The following APBA2 variants were observed in gnomAD, a reference collection of about 807,000 sequenced individuals.
APBA2 encodes amyloid beta precursor protein binding family A member 2, also known as amyloid-beta A4 precursor protein-binding family A member 2.
APBA2 carries 30 observed loss-of-function variants against 75.0 expected under a neutral mutation model. That is an observed-to-expected ratio of 0.40 (90% CI 0.30 to 0.54). APBA2 has a LOEUF of 0.54. Among genes scored for constraint, APBA2 ranks in the 20% least tolerant of loss-of-function variants. The pLI is 0.49. For synonymous variants in APBA2, 444 were observed against 409.6 expected (o/e 1.08, Z -1.01); for missense variants, 801 against 1,016.1 (o/e 0.79, Z 2.88).
intron 2 of APBA2, among the ~76,000 whole-genome samples, chr15:28,994,068 G>T (rs1242213242): frequency 1.3e-5 from 2 of 152,200 alleles, no homozygotes; most frequent in African/African-American, 4.8e-5. Context: ...TTTAGTTCAT[G>T]AACTCACCCA....
intron 6 of APBA2, among the ~76,000 whole-genome samples, chr15:29,085,854 G>A (rs1301902491): frequency 6.6e-6 from 1 of 152,176 alleles, no homozygotes; most frequent in Non-Finnish European, 1.5e-5. Context: ...AATCTGGGTA[G>A]TGTGGTTGCT....
intron 4 of APBA2, among the ~76,000 whole-genome samples, chr15:29,061,586 G>A (rs1159804903): frequency 1.3e-5 from 2 of 152,252 alleles, no homozygotes; most frequent in Non-Finnish European, 2.9e-5. Context: ...AAGCATGGTC[G>A]AGGGCCCCGA....
At chr15:28,963,072 T>G (rs943959604) in intron 2 of APBA2, among the ~76,000 whole-genome samples, 2 of 152,210 alleles carry the variant, frequency 1.3e-5, no homozygotes, top group African/African-American at 2.4e-5. Context: ...CTGAATGGGA[T>G]GCTGTGGCAG....
Position 29,046,997 on chromosome 15 carries a change from G to A in APBA2, c.-40-6848G>A, listed in dbSNP as rs558763682. ...TGTAGTGTTTATGGAGTTCAGGCCTGCACTGGTTGCTCTCTTCTTTAACTC... is the reference window on the plus strand; with the variant it reads ...TGTAGTGTTTATGGAGTTCAGGCCTACACTGGTTGCTCTCTTCTTTAACTC... On this transcript the variant is annotated intron_variant, in intron 3 of 14. Coordinates refer to ENST00000683413, the MANE Select transcript of APBA2 (RefSeq NM_001353788.2). This position sits in a 1 kb window ranked among gnomAD's most constrained non-coding sequence, Gnocchi z 5.0. Among the ~76,000 whole-genome samples, 1 of 152,308 alleles carries A rather than the reference G, an allele frequency of 6.6e-6. No individual in the cohort carries two copies. Among genetic ancestry groups the A allele is most frequent in the African/African-American group, 2.4e-5 (1 of 41,558 alleles).
At chr15:28,950,355 G>A (rs1356182311) in intron 2 of APBA2, among the ~76,000 whole-genome samples, 1 of 152,174 alleles carries the variant, frequency 6.6e-6, no homozygotes. Flanking sequence ...TCAGCGGGGT[G>A]CGGTGGCTCA....
At chr15:28,896,120 A>G (rs1212862289) in intron 1 of APBA2, among the ~76,000 whole-genome samples, 2 of 152,058 alleles carry the variant, frequency 1.3e-5, no homozygotes, top group Non-Finnish European at 2.9e-5. Flanking sequence ...CAAAAAAAAT[A>G]TCTGATTTGA....
Position 28,985,004 on chromosome 15 carries a change from G to A in APBA2, c.-94-10749G>A, listed in dbSNP as rs539264386. Among the ~76,000 whole-genome samples, 243 of 152,188 alleles carry A rather than the reference G, an allele frequency of 1.6e-3. 2 individuals carry two copies. The highest frequency in any genetic ancestry group is 6.8e-3 in the Middle Eastern group (2 of 294). ...GGGGGAGCTGCCTGGGATGCAGAGC[G>A]GCTTGGATTGGTGCTCCCTCTGCCT... On this transcript the variant is annotated intron_variant, in intron 2 of 14. Coordinates refer to ENST00000683413, the MANE Select transcript of APBA2 (RefSeq NM_001353788.2).
At position 29,106,923 on chromosome 15, in the gene APBA2, T is replaced by C. The variant is rs1017781098; in HGVS notation, c.1917+104T>C. 1.8e-5 allele frequency: 21 copies of C among 1,152,946 alleles called. No individual in the cohort carries two copies. In the African/African-American group the frequency reaches 2.4e-4, roughly 13 times the overall value. The allele number at this position is 1,152,946 out of a possible 1,614,324, so 71.4% of individuals were successfully genotyped here. ...TTCACTGCAATCCCCACTTCACCCA[T>C]GGGGAAACTGAGGCCCAGGGAGACC... On this transcript the variant is annotated intron_variant, in intron 12 of 14. Transcript: ENST00000683413.
At chr15:29,110,687 A>G (rs2044679764) in intron 13 of APBA2, among the ~76,000 whole-genome samples, 2 of 152,204 alleles carry the variant, frequency 1.3e-5, no homozygotes, top group African/African-American at 4.8e-5. Context: ...TCACACAGCC[A>G]TGTGGAGCAC....
At chr15:28,997,800 C>G (rs2038612388) in intron 3 of APBA2, among the ~76,000 whole-genome samples, 1 of 152,138 alleles carries the variant, frequency 6.6e-6, no homozygotes, top group Non-Finnish European at 1.5e-5. Flanking sequence ...TCCTGAAATA[C>G]TATTAGACGA....
At chr15:28,900,612 C>G (rs752539300) in intron 1 of APBA2, among the ~76,000 whole-genome samples, 4 of 152,138 alleles carry the variant, frequency 2.6e-5, no homozygotes, top group Non-Finnish European at 5.9e-5. Flanking sequence ...TTGCTGTGCC[C>G]TTTGTTGCTG....
At chr15:29,081,741 T>G (rs2043091287) in intron 6 of APBA2, among the ~76,000 whole-genome samples, 1 of 152,268 alleles carries the variant, frequency 6.6e-6, no homozygotes. Context: ...CCTGATTATT[T>G]AAGCGGCAGC....
intron 2 of APBA2, among the ~76,000 whole-genome samples, chr15:28,942,647 CT>C (rs2035296616): frequency 1.3e-5 from 2 of 152,228 alleles, no homozygotes; most frequent in African/African-American, 4.8e-5. Flanking sequence ...GGATCCCCCA[CT>C]TTCCATTTCC....
intron 7 of APBA2, 52 bp from the exon 8 acceptor site, chr15:29,094,226 C>T: frequency 1.5e-5 from 23 of 1,569,916 alleles, no homozygotes; most frequent in Non-Finnish European, 2.0e-5. Context: ...ACCTCACGCA[C>T]CTTCCTTCTC....
At chr15:29,077,639 G>A (rs1369386924) in intron 6 of APBA2, among the ~76,000 whole-genome samples, 1 of 152,122 alleles carries the variant, frequency 6.6e-6, no homozygotes, top group East Asian at 1.9e-4. Context: ...TCCAAACAAG[G>A]CCGGTGGCTT....
intron 2 of APBA2, among the ~76,000 whole-genome samples, chr15:28,925,601 A>G (rs2034217011): frequency 1.3e-5 from 2 of 152,212 alleles, no homozygotes; most frequent in Admixed American, 6.5e-5. Flanking sequence ...AATGTGGTCT[A>G]TCTTTGTGAA....
In APBA2 at chr15:29,105,574, C is replaced by G. The variant is rs750520858; in HGVS notation, c.1704+16C>G. 10 of 1,612,520 alleles carry G rather than the reference C, an allele frequency of 6.2e-6. No individual in the cohort carries two copies. The highest frequency in any genetic ancestry group is 8.5e-6 in the Non-Finnish European group (10 of 1,179,904). On this transcript the variant is annotated intron_variant, in intron 11 of 14. Transcript: ENST00000683413. ...CTGCAAGGAGGTAAGCCACACCCACCAGCCTCAGGGAGGCCACATTTGCCA... is the reference window on the plus strand; with the variant it reads ...CTGCAAGGAGGTAAGCCACACCCACGAGCCTCAGGGAGGCCACATTTGCCA...
intron 14 of APBA2, among the ~76,000 whole-genome samples, chr15:29,114,719 T>C (rs1305016285): frequency 2.7e-5 from 4 of 150,626 alleles, no homozygotes; most frequent in African/African-American, 9.8e-5. Context: ...CACGTGGGTG[T>C]ATAGGGGTGC....
intron 6 of APBA2, among the ~76,000 whole-genome samples, chr15:29,083,399 C>A (rs2043162642): frequency 6.6e-6 from 1 of 152,166 alleles, no homozygotes; most frequent in African/African-American, 2.4e-5. Flanking sequence ...ATTTTATTAC[C>A]TGGTAGGGCT....
Sources: allele counts gnomAD v4.1 joint callset (sites outside exome capture counted in the v4.1 genomes callset), GRCh38; gene constraint gnomAD v4.1.1; non-coding constraint Gnocchi (gnomAD v3.1); transcripts MANE v1.5; gene names NCBI Gene and HGNC (gene_info 2026-07-23, HGNC 2026-07-21).